Variants in RECQL5 observed in about 807,000 individuals in gnomAD.
RECQL5 encodes ATP-dependent DNA helicase Q5.
RECQL5 carries 88 observed loss-of-function variants against 103.4 expected under a neutral mutation model. The ratio of observed to expected loss-of-function variants is 0.85; its 90% confidence interval spans 0.72 to 1.02. The LOEUF is 1.02. Ranked by LOEUF, RECQL5 falls within the 50% of genes least tolerant of loss-of-function variation. The probability of loss-of-function intolerance (pLI) is 0.00; values close to 1 mark genes in which losing one functional copy is unlikely to be tolerated. For synonymous variants in RECQL5, 552 were observed against 507.9 expected (o/e 1.09, Z -1.17); for missense variants, 1,232 against 1,284.3 (o/e 0.96, Z 0.62).
intron 8 of RECQL5, chr17:75,650,948 T>G (rs1599036572): frequency 2.1e-6 from 3 of 1,449,950 alleles, no homozygotes; most frequent in South Asian, 1.4e-5. Context: ...GAGGGTGGAG[T>G]GGAGGGAAGG....
chr17:75,659,963 T>C (rs1203417587), intron 6 of RECQL5, among the ~76,000 whole-genome samples: 1 of 152,210 alleles, frequency 6.6e-6, no homozygotes, highest in South Asian at 2.1e-4. Flanking sequence ...TAAAAAGGAA[T>C]GATGGTTCTA....
intron 8 of RECQL5, chr17:75,647,270 A>C: frequency 5.9e-6 from 6 of 1,020,938 alleles, no homozygotes; most frequent in Non-Finnish European, 8.4e-6. Context: ...GGCTGCTCAC[A>C]GAGGCTGCTA....
Position 75,665,171 on chromosome 17 carries a change from A to G in RECQL5, c.132T>C (p.Gly44=), listed in dbSNP as rs530853070. 6.2e-7 allele frequency: 1 copy of G among 1,606,970 alleles called. No homozygotes were observed. Residue 44 remains glycine, a splice_region_variant and synonymous_variant, in exon 3 of 20, where the codon GGT becomes GGC. Coordinates refer to ENST00000317905, the MANE Select transcript of RECQL5 (RefSeq NM_004259.7). ...QESATMAVVK[G]NKDVFVCMPT... is the part of the protein sequence containing the mutation. ...GCATGCACACAAAGACGTCCTTGTT[A>G]CCTGAAAAAATACAAGACAACAATA...
At chr17:75,633,088 G>A (rs2059250046) in intron 8 of RECQL5, among the ~76,000 whole-genome samples, 1 of 152,244 alleles carries the variant, frequency 6.6e-6, no homozygotes, top group South Asian at 2.1e-4. Context: ...AGCCGAGGCG[G>A]CCACCAGAGG....
Position 75,643,800 on chromosome 17 carries a change from C to T in RECQL5, c.1229+7386G>A, listed in dbSNP as rs1330025539. Among the ~76,000 whole-genome samples, 4 of 152,366 alleles carry T rather than the reference C, an allele frequency of 2.6e-5. No homozygotes were observed. In the East Asian group the frequency reaches 7.7e-4, roughly 29 times the overall value. On this transcript the variant is annotated intron_variant, in intron 8 of 19. Transcript: ENST00000317905. ...CTCTCTGTTCCCGCCACTGTGCCAT[C>T]CTGGACCATGCCACCATCAATGCTT... is the stretch of plus-strand genomic sequence containing the variant.
In RECQL5 at chr17:75,629,811, C is replaced by T. The variant is rs1267293968; in HGVS notation, c.1844G>A (p.Gly615Glu). The change falls in exon 15 of 20, where the codon GGG becomes GAG. Residue 615 changes from glycine to glutamate, a missense_variant. Physicochemically the swap from Gly to Glu is moderately conservative, Grantham distance 98 (BLOSUM62 -2). Coordinates refer to ENST00000317905, the MANE Select transcript of RECQL5 (RefSeq NM_004259.7). ...VADIHRASKD[G>E]QPYDMGGSAK... ...ACTGCCTCCCATGTCATAGGGCTGC[C>T]CATCCTTGGAGGCTCTGTGGATATC... 6.2e-7 allele frequency: 1 copy of T among 1,613,076 alleles called. No individual in the cohort carries two copies. Among genetic ancestry groups the T allele is most frequent in the Admixed American group, 1.7e-5 (1 of 59,958 alleles).
In RECQL5 at chr17:75,649,817, G is replaced by A. The variant is rs967764798; in HGVS notation, c.1229+1369C>T. The stretch of plus-strand genomic sequence containing the variant: ...GCTGCTCAAGAGGCAGCGCAACACC[G>A]TCACCTGGACTCCTTGAGTCCACAG... On this transcript the variant is annotated intron_variant, in intron 8 of 19. Coordinates refer to ENST00000317905, the MANE Select transcript of RECQL5 (RefSeq NM_004259.7). The A allele has an allele frequency of 2.4e-5, 24 of 985,326 alleles. No individual in the cohort carries two copies. The South Asian group carries it at 3.3e-4, about 13-fold the overall frequency. The allele number at this position is 985,326 out of a possible 1,614,324, so 61.0% of individuals were successfully genotyped here.
intron 3 of RECQL5, 30 bp downstream of exon 3, chr17:75,665,021 G>T: frequency 6.6e-7 from 1 of 1,515,122 alleles, no homozygotes; most frequent in Non-Finnish European, 8.8e-7. Context: ...AATCTTTTTG[G>T]GCTACCATCT....
intron 7 of RECQL5, among the ~76,000 whole-genome samples, chr17:75,655,219 C>G (rs1002860462): frequency 1.1e-4 from 16 of 152,206 alleles, no homozygotes; most frequent in African/African-American, 3.6e-4. Context: ...TTACAGGAGC[C>G]CGCCACCACG....
At chr17:75,666,633 A>G in intron 1 of RECQL5, 62 bp from the exon 2 acceptor site, 1 of 1,482,788 alleles carries the variant, frequency 6.7e-7, no homozygotes, top group Non-Finnish European at 9.2e-7. Context: ...GTTTTGCATT[A>G]AAAATACAGA....
chr17:75,635,315 T>G (rs559764988), intron 8 of RECQL5, among the ~76,000 whole-genome samples: 1 of 152,230 alleles, frequency 6.6e-6, no homozygotes, highest in East Asian at 1.9e-4. Context: ...GAGACCCCAG[T>G]GGCTGTCACT....
At chr17:75,631,056 A>G (rs1390141322) in intron 10 of RECQL5, 46 bp from the exon 11 acceptor site, 1 of 1,612,762 alleles carries the variant, frequency 6.2e-7, no homozygotes. Flanking sequence ...GCCCTGCCGC[A>G]GGACAGTCCC....
chr17:75,635,910 C>G (rs2059313101), intron 8 of RECQL5: 1 of 969,088 alleles, frequency 1.0e-6, no homozygotes. Context: ...GCTTCGGGAC[C>G]AAGTGGCAGC....
intron 18 of RECQL5, among the ~76,000 whole-genome samples, chr17:75,628,006 TAAA>T (rs376044214): frequency 0.015 from 1,415 of 96,120 alleles, 20 homozygotes; most frequent in African/African-American, 0.047. Flanking sequence ...GCGACAGAGA[TAAA>T]AAAAAAAAAA....
In RECQL5 at chr17:75,662,898, G is replaced by A. The variant is rs1463215168; in HGVS notation, c.352C>T (p.Arg118Ter). The change falls in exon 4 of 20, where the codon CGA becomes TGA. Residue 118 changes from arginine to a stop codon, truncating the protein, a stop_gained. Transcript: ENST00000317905. LOFTEE classifies it high-confidence loss of function. ...ERKELLADLEREKPQTKILYI... is the reference protein window; with the variant it reads ...ERKELLADLE Reference sequence around the variant, plus strand: ...AGAATCTTGGTCTGGGGCTTTTCTCGCTCCAGGTCAGCAAGCAGCTCCTTC... The same window carrying A: ...AGAATCTTGGTCTGGGGCTTTTCTCACTCCAGGTCAGCAAGCAGCTCCTTC... 3.7e-6 allele frequency: 6 copies of A among 1,614,108 alleles called. No homozygotes were observed. The highest frequency in any genetic ancestry group is 2.2e-5 in the South Asian group (2 of 91,092).
At chr17:75,647,716 A>C in intron 8 of RECQL5, 1 of 747,538 alleles carries the variant, frequency 1.3e-6, no homozygotes, top group Non-Finnish European at 2.2e-6. Flanking sequence ...AAAATACTGT[A>C]TCTGGCTTAG....
Position 75,629,072 on chromosome 17 carries a change from GC to G in RECQL5, c.2350del (p.Ala784GlnfsTer97). 6.2e-7 allele frequency: 1 copy of G among 1,611,934 alleles called. No homozygotes were observed. On this transcript the variant is annotated frameshift_variant, in exon 16 of 20. Coordinates refer to ENST00000317905, the MANE Select transcript of RECQL5 (RefSeq NM_004259.7). LOFTEE classifies it high-confidence loss of function. ...SPALLASAPE[A>X]EGACPSCEGV... ...CTCACAGGAGGGGCAGGCACCTTCT[GC>G]CTCTGGGGCTGATGCCAGCAGAGCT...
intron 8 of RECQL5, among the ~76,000 whole-genome samples, chr17:75,642,095 G>T (rs1395329835): frequency 6.6e-6 from 1 of 152,130 alleles, no homozygotes; most frequent in Non-Finnish European, 1.5e-5. Flanking sequence ...TTAAAGACTG[G>T]TCTTGCTGAG....
chr17:75,647,488 C>G, intron 8 of RECQL5: 1 of 1,550,390 alleles, frequency 6.4e-7, no homozygotes, highest in Non-Finnish European at 8.7e-7. Context: ...TGTCCTGCTT[C>G]TCATCTTATT....
Sources: allele counts gnomAD v4.1 joint callset (sites outside exome capture counted in the v4.1 genomes callset), GRCh38; gene constraint gnomAD v4.1.1; transcripts MANE v1.5; gene names NCBI Gene and HGNC (gene_info 2026-07-23, HGNC 2026-07-21).